FAM13A: variants seen among roughly 807,000 people sequenced by gnomAD.
FAM13A encodes protein FAM13A.
In FAM13A, 76 loss-of-function variants were observed where a neutral mutation model predicts 129.6. The ratio of observed to expected loss-of-function variants is 0.59; its 90% CI spans 0.49 to 0.71. FAM13A has a LOEUF of 0.71. Among genes scored for constraint, FAM13A ranks in the 30% least tolerant of loss-of-function variants. FAM13A has a pLI of 0.00. For synonymous variants in FAM13A, 443 were observed against 449.9 expected (o/e 0.98, Z 0.20); for missense variants, 1,108 against 1,249.3 (o/e 0.89, Z 1.70).
At position 88,792,251 on chromosome 4, in the gene FAM13A, T is replaced by G. The variant is rs73842223; in HGVS notation, c.1050-1624A>C. Among the ~76,000 whole-genome samples the G allele has an allele frequency of 6.0e-4, 91 of 152,192 alleles. 1 individual carries two copies. The highest frequency in any genetic ancestry group is 2.1e-3 in the African/African-American group (87 of 41,546). The stretch of plus-strand genomic sequence containing the variant: ...AGATGAAGAGGTTAGAAAGGTTAAA[T>G]AACTTACCCACAGCCATAGAACCAA... On this transcript the variant is annotated intron_variant, in intron 8 of 23. Coordinates refer to ENST00000264344, the MANE Select transcript of FAM13A (RefSeq NM_014883.4).
In FAM13A at chr4:88,938,193, C is replaced by T. The variant is rs772298590; in HGVS notation, c.654G>A (p.Lys218=). The T allele has an allele frequency of 3.1e-6, 5 of 1,613,430 alleles. No homozygotes were observed. The highest frequency in any genetic ancestry group is 3.4e-6 in the Non-Finnish European group (4 of 1,179,578). ...AATTTTCTAGAATTTTAGCCATTAT[C>T]TTGTTGCACAGGTCCTGTTCCTTCA... The part of the protein sequence containing the change: ...EGMKEQDLCN[K]IMAKILENYN... The change falls in exon 5 of 24, where the codon AAG becomes AAA. Residue 218 remains lysine (K), a synonymous_variant. Transcript: ENST00000264344.
intron 13 of FAM13A, among the ~76,000 whole-genome samples, chr4:88,764,546 G>A (rs1278077622): frequency 6.6e-6 from 1 of 152,162 alleles, no homozygotes; most frequent in African/African-American, 2.4e-5. Context: ...CTGAAAATCT[G>A]TAATTTCAGG....
chr4:88,810,854 T>C (rs1226438535), intron 7 of FAM13A, among the ~76,000 whole-genome samples: 1 of 152,198 alleles, frequency 6.6e-6, no homozygotes, highest in African/African-American at 2.4e-5. Context: ...AAATCAGATA[T>C]AAATTTCACA....
At chr4:88,817,498 G>A (rs1730989571) in intron 7 of FAM13A, among the ~76,000 whole-genome samples, 3 of 151,996 alleles carry the variant, frequency 2.0e-5, no homozygotes, top group South Asian at 2.1e-4. Context: ...AGGAGGCAGA[G>A]GTTGCAATGA....
chr4:88,738,934 C>G, intron 20 of FAM13A, 96 bp downstream of exon 20: 1 of 801,436 alleles, frequency 1.2e-6, no homozygotes, highest in Non-Finnish European at 2.2e-6. Flanking sequence ...AAAGCCTATT[C>G]TTTAATGAGA....
chr4:88,782,301 A>AAAAAAAAGAAACAAT (rs1723107773), intron 10 of FAM13A, among the ~76,000 whole-genome samples: 1 of 152,082 alleles, frequency 6.6e-6, no homozygotes, highest in Middle Eastern at 3.2e-3. Flanking sequence ...CTGAGTTAAA[A>AAAAAAAAGAAACAAT]AAAAAAAGAA....
intron 4 of FAM13A, among the ~76,000 whole-genome samples, chr4:88,956,030 G>A (rs2148895409): frequency 6.6e-6 from 1 of 152,274 alleles, no homozygotes; most frequent in South Asian, 2.1e-4. Context: ...AGTAAGTTAA[G>A]GTTAATTTAT....
chr4:88,885,309 T>C (rs1744230741), intron 6 of FAM13A, among the ~76,000 whole-genome samples: 1 of 152,016 alleles, frequency 6.6e-6, no homozygotes, highest in Non-Finnish European at 1.5e-5. Context: ...GGTATAAAAA[T>C]AGGCACATAG....
chr4:88,944,806 G>A (rs1210467708), intron 4 of FAM13A, among the ~76,000 whole-genome samples: 1 of 152,008 alleles, frequency 6.6e-6, no homozygotes, highest in Non-Finnish European at 1.5e-5. Context: ...GAGAGGCTGA[G>A]GCAGAACAAC....
At chr4:88,863,578 C>A (rs2150044102) in intron 6 of FAM13A, among the ~76,000 whole-genome samples, 1 of 152,296 alleles carries the variant, frequency 6.6e-6, no homozygotes, top group East Asian at 1.9e-4. Flanking sequence ...CAAGTCACAA[C>A]CTGGGACTTA....
At chr4:88,876,126 C>T (rs546665584) in intron 6 of FAM13A, among the ~76,000 whole-genome samples, 2 of 152,186 alleles carry the variant, frequency 1.3e-5, no homozygotes, top group South Asian at 4.2e-4. Flanking sequence ...GAACATCCCA[C>T]ACCAGGGCCT....
intron 14 of FAM13A, 94 bp from the exon 15 acceptor site, chr4:88,750,731 T>C: frequency 2.3e-6 from 2 of 883,808 alleles, no homozygotes; most frequent in Non-Finnish European, 3.5e-6. Context: ...CCCAGATGCT[T>C]TAGGAAGCTG....
intron 3 of FAM13A, among the ~76,000 whole-genome samples, chr4:88,999,420 C>T (rs1763963215): frequency 6.6e-6 from 1 of 152,112 alleles, no homozygotes; most frequent in African/African-American, 2.4e-5. Flanking sequence ...CTGGAAAAAA[C>T]AAACAGCATA....
intron 5 of FAM13A, among the ~76,000 whole-genome samples, chr4:88,931,275 C>T (rs1202379915): frequency 6.6e-6 from 1 of 152,136 alleles, no homozygotes; most frequent in African/African-American, 2.4e-5. Context: ...CTGCTCTAGG[C>T]TTGGATGCCT....
intron 6 of FAM13A, among the ~76,000 whole-genome samples, chr4:88,860,396 G>A (rs1201601580): frequency 6.6e-6 from 1 of 152,142 alleles, no homozygotes; most frequent in Non-Finnish European, 1.5e-5. Flanking sequence ...TGCTTCTTCT[G>A]GAAAACGTCT....
chr4:89,017,599 A>T (rs905493842), intron 3 of FAM13A, among the ~76,000 whole-genome samples: 4 of 152,214 alleles, frequency 2.6e-5, no homozygotes, highest in Middle Eastern at 3.2e-3. Flanking sequence ...AGAATACTAT[A>T]GAATAATATT....
chr4:88,837,528 T>C (rs1735027541), intron 7 of FAM13A, among the ~76,000 whole-genome samples: 1 of 150,798 alleles, frequency 6.6e-6, no homozygotes, highest in Non-Finnish European at 1.5e-5. Flanking sequence ...CCAGCCTGAC[T>C]AACATGGAGA....
intron 6 of FAM13A, among the ~76,000 whole-genome samples, chr4:88,878,983 T>TG (rs1743070371): frequency 2.0e-5 from 3 of 152,250 alleles, no homozygotes; most frequent in Admixed American, 2.0e-4. Context: ...TTTGGTAGGC[T>TG]GGCCTGATAG....
chr4:88,744,670 G>A (rs1272658578), intron 19 of FAM13A, among the ~76,000 whole-genome samples: 2 of 152,072 alleles, frequency 1.3e-5, no homozygotes, highest in African/African-American at 4.8e-5. Context: ...AGTGTTGTCC[G>A]CATGGCATTT....
Sources: allele counts gnomAD v4.1 joint callset (sites outside exome capture counted in the v4.1 genomes callset), GRCh38; gene constraint gnomAD v4.1.1; transcripts MANE v1.5; gene names NCBI Gene and HGNC (gene_info 2026-07-23, HGNC 2026-07-21).